ZMIZ1: variants seen among roughly 807,000 people sequenced by gnomAD.
ZMIZ1 encodes the protein zinc finger MIZ-type containing 1, also known as zinc finger MIZ domain-containing protein 1.
ZMIZ1 carries 17 observed loss-of-function variants against 113.9 expected under a neutral mutation model. That is an observed-to-expected ratio of 0.15 (90% CI 0.10 to 0.22). The LOEUF (loss-of-function observed/expected upper bound fraction) is 0.22. Ranked by LOEUF, ZMIZ1 falls within the 10% of genes least tolerant of loss-of-function variation. The pLI is 1.00. For missense variants in ZMIZ1, 1,059 were observed against 1,477.8 expected, an observed-to-expected ratio of 0.72 and a Z score of 4.65; for synonymous variants, 607 against 603.1, an observed-to-expected ratio of 1.01 and a Z score of -0.09.
At chr10:79,272,929 C>G (rs1039737913) in intron 7 of ZMIZ1, among the ~76,000 whole-genome samples, 2 of 152,204 alleles carry the variant, frequency 1.3e-5, no homozygotes, top group African/African-American at 4.8e-5. Context: ...AGCTGGAAGG[C>G]CCCAAGGTCC....
chr10:79,237,153 C>T (rs1413553262), intron 7 of ZMIZ1, among the ~76,000 whole-genome samples: 1 of 152,106 alleles, frequency 6.6e-6, no homozygotes, highest in African/African-American at 2.4e-5. Context: ...GGAGGTGCAT[C>T]GGGTGCATTC....
At chr10:79,162,189 C>T (rs1391194709) in intron 4 of ZMIZ1, 56 bp downstream of exon 4, 1 of 398,842 alleles carries the variant, frequency 2.5e-6, no homozygotes, top group Admixed American at 4.4e-5. Flanking sequence ...GGTGAGTCCT[C>T]ATGAGGGCAG....
intron 7 of ZMIZ1, among the ~76,000 whole-genome samples, chr10:79,262,554 C>T (rs150603473): frequency 0.01 from 1,570 of 152,340 alleles, 29 homozygotes; most frequent in Admixed American, 0.04. Flanking sequence ...AACAAGGCAA[C>T]TGGATATTTA....
intron 6 of ZMIZ1, among the ~76,000 whole-genome samples, chr10:79,214,606 G>T (rs1336416696): frequency 6.6e-6 from 1 of 152,170 alleles, no homozygotes; most frequent in South Asian, 2.1e-4. Flanking sequence ...CGTGGGGAAC[G>T]ATTCTGTTGG....
chr10:79,090,902 A>G (rs1052808807), intron 1 of ZMIZ1, among the ~76,000 whole-genome samples: 1 of 152,218 alleles, frequency 6.6e-6, no homozygotes, highest in Non-Finnish European at 1.5e-5. Context: ...CACTGGCCTC[A>G]TCGCCAGGTC....
intron 8 of ZMIZ1, 45 bp from the exon 9 acceptor site, chr10:79,289,730 T>A: frequency 6.4e-7 from 1 of 1,565,146 alleles, no homozygotes; most frequent in Non-Finnish European, 8.8e-7. Flanking sequence ...GTCTTGAGTC[T>A]GTGCCTGCCA....
intron 4 of ZMIZ1, among the ~76,000 whole-genome samples, chr10:79,189,388 G>A (rs1255879958): frequency 2.0e-5 from 3 of 152,192 alleles, no homozygotes; most frequent in Admixed American, 6.5e-5. Context: ...TGATGGAGCC[G>A]ATAAGACCCA....
At chr10:79,302,601 T>G (rs1332251090) in intron 18 of ZMIZ1, among the ~76,000 whole-genome samples, 1 of 151,606 alleles carries the variant, frequency 6.6e-6, no homozygotes, top group East Asian at 1.9e-4. Flanking sequence ...ATGGGAGGAT[T>G]TAGAGAAGAG....
intron 3 of ZMIZ1, among the ~76,000 whole-genome samples, chr10:79,143,068 CTCTCTT>C (rs1845342852): frequency 6.6e-6 from 1 of 152,192 alleles, no homozygotes; most frequent in Non-Finnish European, 1.5e-5. Flanking sequence ...ATCTCTGTCT[CTCTCTT>C]TCTCAGCCTC....
At chr10:79,101,461 GCAAGTCAGCCAGGCTTTCTTCTCT>G (rs1270791890) in intron 1 of ZMIZ1, among the ~76,000 whole-genome samples, 1 of 152,204 alleles carries the variant, frequency 6.6e-6, no homozygotes, top group Non-Finnish European at 1.5e-5. Context: ...TCTAGGGGCA[GCAAGTCAGCCAGGCTTTCTTCTCT>G]CAAGTCAGAG....
Position 79,201,594 on chromosome 10 carries a change from G to A in ZMIZ1, c.-39G>A, listed in dbSNP as rs377684550. 26 of 1,611,312 alleles carry A rather than the reference G, an allele frequency of 1.6e-5. No individual in the cohort carries two copies. The highest frequency in any genetic ancestry group is 4.0e-5 in the African/African-American group (3 of 74,896). On this transcript the variant is annotated 5_prime_UTR_variant, in exon 5 of 25. Transcript: ENST00000334512. ...CCTTTCTCTTCGCAGGCTGGACAAC[G>A]TTCATGGCTCTCGGGTAGAACCTAG...
At chr10:79,248,131 G>A (rs1850319260) in intron 7 of ZMIZ1, among the ~76,000 whole-genome samples, 2 of 152,164 alleles carry the variant, frequency 1.3e-5, no homozygotes, top group African/African-American at 4.8e-5. Flanking sequence ...GTGCAGCACG[G>A]CAAGAGAGAA....
At chr10:79,097,011 G>C (rs1447064079) in intron 1 of ZMIZ1, among the ~76,000 whole-genome samples, 1 of 152,202 alleles carries the variant, frequency 6.6e-6, no homozygotes, top group Non-Finnish European at 1.5e-5. Flanking sequence ...GCTAGAGACA[G>C]AGAGGGGTCC....
intron 7 of ZMIZ1, among the ~76,000 whole-genome samples, chr10:79,268,866 C>T (rs1347260413): frequency 2.0e-5 from 3 of 152,156 alleles, no homozygotes; most frequent in African/African-American, 7.2e-5. Flanking sequence ...AGAGGAATGA[C>T]AGGATGCTGT....
chr10:79,257,157 C>G (rs186780627), intron 7 of ZMIZ1, among the ~76,000 whole-genome samples: 5 of 152,372 alleles, frequency 3.3e-5, no homozygotes, highest in African/African-American at 9.6e-5. Context: ...GTCAACTCCG[C>G]TCATCCCATT....
In ZMIZ1 at chr10:79,314,272, C is replaced by T. The variant is rs775059591; in HGVS notation, c.*1523C>T. ...GGCCTAGGGTGATGCCAGGTTGTCCCGTCACTGGGGTCCCATCTGTAAATT... is the reference window on the plus strand; with the variant it reads ...GGCCTAGGGTGATGCCAGGTTGTCCTGTCACTGGGGTCCCATCTGTAAATT... On this transcript the variant is annotated 3_prime_UTR_variant, in exon 25 of 25. Transcript: ENST00000334512. 3.1e-5 allele frequency: 14 copies of T among 456,754 alleles called. No homozygotes were observed. The highest frequency in any genetic ancestry group is 1.7e-4 in the South Asian group (11 of 64,572). The allele number at this position is 456,754 out of a possible 1,614,324, so 28.3% of individuals were successfully genotyped here.
intron 4 of ZMIZ1, among the ~76,000 whole-genome samples, chr10:79,181,357 A>C (rs1847116765): frequency 1.3e-5 from 2 of 152,202 alleles, no homozygotes; most frequent in African/African-American, 2.4e-5. Context: ...GGCTGGGCAG[A>C]TGCAGTTGTG....
chr10:79,182,863 C>T (rs810517), intron 4 of ZMIZ1, among the ~76,000 whole-genome samples: 69,913 of 152,114 alleles, frequency 0.46, 16,207 homozygotes, highest in Admixed American at 0.48. Context: ...TGGTACGTAT[C>T]CATTAGATGT....
At chr10:79,243,582 G>T (rs931333291) in intron 7 of ZMIZ1, 1 of 147,566 alleles carries the variant, frequency 6.8e-6, no homozygotes, top group South Asian at 2.1e-4. Flanking sequence ...CGCCGCCGGG[G>T]CGCGGAGCGG....
Sources: allele counts gnomAD v4.1 joint callset (sites outside exome capture counted in the v4.1 genomes callset), GRCh38; gene constraint gnomAD v4.1.1; transcripts MANE v1.5; gene names NCBI Gene and HGNC (gene_info 2026-07-23, HGNC 2026-07-21).